Variants in SPIDR observed in about 807,000 individuals in gnomAD.
The protein encoded by SPIDR is scaffold protein involved in DNA repair, also known as DNA repair-scaffolding protein.
SPIDR carries 93 observed loss-of-function variants against 104.6 expected under a neutral mutation model. The ratio of observed to expected loss-of-function variants is 0.89; its 90% confidence interval spans 0.75 to 1.06. The LOEUF is 1.06. Ranked by LOEUF, SPIDR falls within the 50% of genes least tolerant of loss-of-function variation. The pLI is 0.00. For synonymous variants in SPIDR, 431 were observed against 416.9 expected (o/e 1.03, Z -0.41); for missense variants, 1,154 against 1,111.2 (o/e 1.04, Z -0.55).
At chr8:47,523,628 G>A (rs946398762) in intron 8 of SPIDR, among the ~76,000 whole-genome samples, 1 of 152,176 alleles carries the variant, frequency 6.6e-6, no homozygotes, top group Non-Finnish European at 1.5e-5. Flanking sequence ...GGTGATGGGG[G>A]TCAGGCTGGA....
At chr8:47,625,681 G>A (rs1039160155) in intron 10 of SPIDR, among the ~76,000 whole-genome samples, 1 of 151,974 alleles carries the variant, frequency 6.6e-6, no homozygotes, top group Non-Finnish European at 1.5e-5. Flanking sequence ...AACTTACAAG[G>A]GACGTGAAGG....
At chr8:47,595,192 G>A (rs137952992) in intron 8 of SPIDR, among the ~76,000 whole-genome samples, 10 of 152,162 alleles carry the variant, frequency 6.6e-5, no homozygotes, top group South Asian at 6.2e-4. Context: ...GTGATACTCC[G>A]TCCTCCCAGA....
At chr8:47,723,690 A>C (rs1453391486) in intron 16 of SPIDR, among the ~76,000 whole-genome samples, 1 of 152,150 alleles carries the variant, frequency 6.6e-6, no homozygotes, top group Non-Finnish European at 1.5e-5. Flanking sequence ...TGGCCTCCCA[A>C]AGTGCTGGGA....
At chr8:47,387,198 T>C (rs1554648927) in intron 5 of SPIDR, among the ~76,000 whole-genome samples, 2 of 152,084 alleles carry the variant, frequency 1.3e-5, no homozygotes, top group Non-Finnish European at 2.9e-5. Flanking sequence ...TGAAAGCACG[T>C]CAGAAGCGCT....
chr8:47,429,077 A>T (rs189290808), intron 7 of SPIDR, among the ~76,000 whole-genome samples: 1 of 152,336 alleles, frequency 6.6e-6, no homozygotes, highest in Non-Finnish European at 1.5e-5. Flanking sequence ...ACAAACTGTG[A>T]TACTAGTTTG....
At chr8:47,700,903 C>A (rs1327172829) in intron 12 of SPIDR, among the ~76,000 whole-genome samples, 1 of 152,204 alleles carries the variant, frequency 6.6e-6, no homozygotes, top group East Asian at 1.9e-4. Context: ...CATAGACATT[C>A]GTACAACGTC....
At chr8:47,282,092 A>G (rs1412782500) in intron 2 of SPIDR, among the ~76,000 whole-genome samples, 1 of 152,238 alleles carries the variant, frequency 6.6e-6, no homozygotes, top group Non-Finnish European at 1.5e-5. Flanking sequence ...TTCTGAGCAG[A>G]TCTCAACAGT....
At chr8:47,288,271 CAAATAGTGAT>C (rs1274194772) in intron 3 of SPIDR, among the ~76,000 whole-genome samples, 5 of 151,766 alleles carry the variant, frequency 3.3e-5, no homozygotes, top group African/African-American at 1.2e-4. Context: ...TCATAATTTG[CAAATAGTGAT>C]AACTTCCTTC....
chr8:47,454,486 G>A (rs1267970660), intron 8 of SPIDR, among the ~76,000 whole-genome samples: 2 of 151,994 alleles, frequency 1.3e-5, no homozygotes, highest in African/African-American at 2.4e-5. Flanking sequence ...GTGGGGTGCG[G>A]GGGTGGGGAA....
chr8:47,475,568 T>G (rs2076185325), intron 8 of SPIDR, among the ~76,000 whole-genome samples: 1 of 152,254 alleles, frequency 6.6e-6, no homozygotes, highest in Middle Eastern at 3.2e-3. Context: ...TTTGATAATC[T>G]TTAGGTAATG....
intron 10 of SPIDR, among the ~76,000 whole-genome samples, chr8:47,602,188 T>C (rs2062381484): frequency 6.6e-6 from 1 of 152,206 alleles, no homozygotes; most frequent in Non-Finnish European, 1.5e-5. Flanking sequence ...TGCTTTCAGC[T>C]TCCTGATCAT....
At chr8:47,356,423 AT>A (rs782091617) in intron 5 of SPIDR, among the ~76,000 whole-genome samples, 3 of 152,186 alleles carry the variant, frequency 2.0e-5, no homozygotes, top group Non-Finnish European at 2.9e-5. Flanking sequence ...AGCTGAGAGT[AT>A]TTAACCAAAT....
intron 5 of SPIDR, among the ~76,000 whole-genome samples, chr8:47,343,820 G>A (rs2154276725): frequency 6.6e-6 from 1 of 152,164 alleles, no homozygotes. Flanking sequence ...ATACAGGGAG[G>A]ATCAGGGAGA....
chr8:47,300,017 G>C (rs1478025642), intron 5 of SPIDR, among the ~76,000 whole-genome samples: 1 of 152,210 alleles, frequency 6.6e-6, no homozygotes, highest in Non-Finnish European at 1.5e-5. Flanking sequence ...AATAGTTTCA[G>C]AAGGAATGGT....
intron 5 of SPIDR, among the ~76,000 whole-genome samples, chr8:47,374,961 C>T (rs1393344165): frequency 1.3e-5 from 2 of 152,040 alleles, no homozygotes; most frequent in Non-Finnish European, 2.9e-5. Context: ...GAGGCTGAGG[C>T]AGGAGATCAC....
chr8:47,610,394 A>G (rs1477545277), intron 10 of SPIDR, among the ~76,000 whole-genome samples: 2 of 152,214 alleles, frequency 1.3e-5, no homozygotes, highest in African/African-American at 4.8e-5. Context: ...GCCAGATGCA[A>G]GCACACAGTG....
At chr8:47,603,346 C>T (rs1185311951) in intron 10 of SPIDR, among the ~76,000 whole-genome samples, 1 of 152,108 alleles carries the variant, frequency 6.6e-6, no homozygotes, top group Non-Finnish European at 1.5e-5. Context: ...CTTTCTAAAA[C>T]ATTCTCTTCC....
chr8:47,671,807 C>G (rs1316682125), intron 10 of SPIDR, among the ~76,000 whole-genome samples: 1 of 152,194 alleles, frequency 6.6e-6, no homozygotes, highest in East Asian at 1.9e-4. Flanking sequence ...TCTTCTAAAT[C>G]TTCTCATTGT....
At chr8:47,563,034 TC>T (rs896377934) in intron 8 of SPIDR, among the ~76,000 whole-genome samples, 1 of 149,714 alleles carries the variant, frequency 6.7e-6, no homozygotes, top group Non-Finnish European at 1.5e-5. Flanking sequence ...TTTACTCTTT[TC>T]TCTTTTTTTT....
Sources: allele counts gnomAD v4.1 joint callset (sites outside exome capture counted in the v4.1 genomes callset), GRCh38; gene constraint gnomAD v4.1.1; transcripts MANE v1.5; gene names NCBI Gene and HGNC (gene_info 2026-07-23, HGNC 2026-07-21).